The following TNFRSF13B variants were observed in gnomAD, a reference collection of about 807,000 sequenced individuals.
TNFRSF13B encodes tumor necrosis factor receptor superfamily member 13B.
A neutral mutation model predicts 24.0 loss-of-function variants in TNFRSF13B; 34 were observed. That is an observed-to-expected ratio of 1.41 (90% CI 1.08 to 1.88). TNFRSF13B has a LOEUF of 1.88. Ranked by LOEUF, TNFRSF13B falls within the 40% of genes most tolerant of loss-of-function variation. The probability of loss-of-function intolerance (pLI) is 0.00; values close to 1 mark genes in which losing one functional copy is unlikely to be tolerated. For synonymous variants in TNFRSF13B, 173 were observed against 150.3 expected, an observed-to-expected ratio of 1.15 and a Z score of -1.10; for missense variants, 415 against 380.8, an observed-to-expected ratio of 1.09 and a Z score of -0.75.
intron 1 of TNFRSF13B, among the ~76,000 whole-genome samples, chr17:16,971,295 G>A (rs11657263): frequency 0.13 from 19,010 of 151,942 alleles, 1,584 homozygotes; most frequent in East Asian, 0.45. Context: ...GTTGCAGAAA[G>A]CCGAGATCAT....
In TNFRSF13B at chr17:16,939,700, C is replaced by T. The variant is rs1453773067; in HGVS notation, c.729G>A (p.Glu243=). 1 of 1,607,574 alleles carries T rather than the reference C, an allele frequency of 6.2e-7. No homozygotes were observed. ...CGGGGGTCCCAGGCGTGACTGCGCT[C>T]TCCTGCGTGGGCGCCCTGCACTCAG... The part of the protein sequence containing the change: ...CFPECRAPTQ[E]SAVTPGTPDP... The change falls in exon 5 of 5, where the codon GAG becomes GAA. Residue 243 remains glutamate, a synonymous_variant. Coordinates refer to ENST00000261652, the MANE Select transcript of TNFRSF13B (RefSeq NM_012452.3).
intron 2 of TNFRSF13B, 50 bp from the exon 3 acceptor site, chr17:16,949,033 A>G (rs781042557): frequency 1.9e-6 from 3 of 1,612,976 alleles, no homozygotes; most frequent in Admixed American, 1.7e-5. Flanking sequence ...ACTAGCAGGA[A>G]CTCTGGGTTT....
Position 16,939,541 on chromosome 17 carries a change from C to T in TNFRSF13B, c.*6G>A, listed in dbSNP as rs1750577220. The T allele has an allele frequency of 1.2e-6, 2 of 1,612,778 alleles. No homozygotes were observed. Among genetic ancestry groups the T allele is most frequent in the Non-Finnish European group, 8.5e-7 (1 of 1,179,460 alleles). ...CTCCCTCCTCCTTTCCCTCCCTGACCCCCATTTATGCACCTGGGCCCCCCT... is the reference window on the plus strand; with the variant it reads ...CTCCCTCCTCCTTTCCCTCCCTGACTCCCATTTATGCACCTGGGCCCCCCT... On this transcript the variant is annotated 3_prime_UTR_variant, in exon 5 of 5. Coordinates refer to ENST00000261652, the MANE Select transcript of TNFRSF13B (RefSeq NM_012452.3).
At chr17:16,956,875 G>A (rs1442585572) in intron 1 of TNFRSF13B, among the ~76,000 whole-genome samples, 3 of 152,218 alleles carry the variant, frequency 2.0e-5, no homozygotes, top group Non-Finnish European at 2.9e-5. Context: ...GGATGAGTAG[G>A]TGGAGCACAG....
At chr17:16,968,141 CAA>C (rs1455676355) in intron 1 of TNFRSF13B, among the ~76,000 whole-genome samples, 7 of 31,736 alleles carry the variant, frequency 2.2e-4, no homozygotes, top group Non-Finnish European at 4.1e-4. Context: ...AACCCTGTCT[CAA>C]AAAAAAAAAA....
chr17:16,952,492 T>C lies in TNFRSF13B; in HGVS notation c.153A>G (p.Lys51=), dbSNP rs2087595808. The change falls in exon 2 of 5, where the codon AAA becomes AAG. Residue 51 remains lysine, a synonymous_variant. Coordinates refer to ENST00000261652, the MANE Select transcript of TNFRSF13B (RefSeq NM_012452.3). ...GCTGGCTCTGATGGTTGCAAATGGTTTTGCAGGACATGCAGGTACCCAGCA... is the reference window on the plus strand; with the variant it reads ...GCTGGCTCTGATGGTTGCAAATGGTCTTGCAGGACATGCAGGTACCCAGCA... ...DPLLGTCMSC[K]TICNHQSQRT... The C allele has an allele frequency of 6.2e-7, 1 of 1,614,026 alleles. No individual in the cohort carries two copies. The highest frequency in any genetic ancestry group is 1.3e-5 in the African/African-American group (1 of 74,912).
At chr17:16,952,405 G>A (rs1453574437) in intron 2 of TNFRSF13B, 41 bp downstream of exon 2, 1 of 1,613,094 alleles carries the variant, frequency 6.2e-7, no homozygotes, top group African/African-American at 1.3e-5. Flanking sequence ...AAAGGAGGAG[G>A]GTGATCACAC....
intron 1 of TNFRSF13B, among the ~76,000 whole-genome samples, chr17:16,954,256 G>A (rs79956513): frequency 1.4e-3 from 207 of 152,238 alleles, no homozygotes; most frequent in African/African-American, 4.4e-3. Flanking sequence ...AATTAGCCAC[G>A]TGCTGTAGTC....
At position 16,948,829 on chromosome 17, in the gene TNFRSF13B, G is replaced by C. The variant is rs749323840; in HGVS notation, c.354C>G (p.Leu118=). The C allele has an allele frequency of 3.7e-6, 6 of 1,614,060 alleles. No individual in the cohort carries two copies. The highest frequency in any genetic ancestry group is 5.1e-6 in the Non-Finnish European group (6 of 1,180,024). The change falls in exon 3 of 5, where the codon CTC becomes CTG. Residue 118 remains leucine (L), a synonymous_variant. Coordinates refer to ENST00000261652, the MANE Select transcript of TNFRSF13B (RefSeq NM_012452.3). Reference sequence around the variant, plus strand: ...CAACTTCTCCACTCCGCTGTCTCCTGAGCTCTGGTGGAAGGTTCACTGGGC... The same window carrying C: ...CAACTTCTCCACTCCGCTGTCTCCTCAGCTCTGGTGGAAGGTTCACTGGGC... ...LRSPVNLPPE[L]RRQRSGEVEN...
chr17:16,954,548 T>A (rs936392860), intron 1 of TNFRSF13B, among the ~76,000 whole-genome samples: 4 of 152,204 alleles, frequency 2.6e-5, no homozygotes, highest in African/African-American at 9.7e-5. Flanking sequence ...AAAGAACACA[T>A]GTCTCTAACA....
chr17:16,945,636 G>A (rs1422520739), intron 3 of TNFRSF13B, among the ~76,000 whole-genome samples: 2 of 152,218 alleles, frequency 1.3e-5, no homozygotes, highest in African/African-American at 2.4e-5. Context: ...AAGGTGCGCA[G>A]GTGGCCAGAC....
intron 1 of TNFRSF13B, among the ~76,000 whole-genome samples, chr17:16,962,571 C>CA (rs908298487): frequency 7.3e-5 from 11 of 151,626 alleles, no homozygotes; most frequent in African/African-American, 2.4e-4. Flanking sequence ...AGGACATGTA[C>CA]AGCAGCTCAG....
At chr17:16,944,537 A>G (rs909659698) in intron 3 of TNFRSF13B, among the ~76,000 whole-genome samples, 3 of 151,572 alleles carry the variant, frequency 2.0e-5, no homozygotes, top group Admixed American at 1.3e-4. Flanking sequence ...TGCCCTAAAG[A>G]CTCCTCCTCG....
Position 16,948,940 on chromosome 17 carries a change from A to G in TNFRSF13B, c.243T>C (p.His81=), listed in dbSNP as rs1227980908. Residue 81 remains histidine (H), a synonymous_variant, in exon 3 of 5, where the codon CAT becomes CAC. Transcript: ENST00000261652. ...CACAGCTGATGCAGTCCCTCAGGAG[A>G]TGGTCATAGAACTTGCCTTGCTCCT... The part of the protein sequence containing the change: ...CRKEQGKFYD[H]LLRDCISCAS... 3 of 1,614,196 alleles carry G rather than the reference A, an allele frequency of 1.9e-6. No individual in the cohort carries two copies. The highest frequency in any genetic ancestry group is 3.3e-5 in the Admixed American group (2 of 60,020).
intron 2 of TNFRSF13B, among the ~76,000 whole-genome samples, chr17:16,952,081 A>G (rs2087592921): frequency 6.6e-6 from 1 of 152,172 alleles, no homozygotes; most frequent in Non-Finnish European, 1.5e-5. Flanking sequence ...AAAAGAATGT[A>G]ACAACACACA....
In TNFRSF13B at chr17:16,939,133, C is replaced by CTT. The variant is rs2087485727; in HGVS notation, c.*413_*414insAA. ...TTTATTCTCCAGGAGGAGGGGCTCT[C>CTT]GGGGGCTGTGAGCAGCAGGCACGAG... On this transcript the variant is annotated 3_prime_UTR_variant, in exon 5 of 5. Transcript: ENST00000261652. The CTT allele has an allele frequency of 6.0e-6, 1 of 165,980 alleles. No individual in the cohort carries two copies. The highest frequency in any genetic ancestry group is 1.3e-5 in the Non-Finnish European group (1 of 77,582). The allele number at this position is 165,980 out of a possible 1,614,324, so 10.3% of individuals were successfully genotyped here. A position where few individuals can be genotyped will look rare whatever the true frequency, so the allele number is the denominator to read the frequency against.
chr17:16,940,552 C>A, intron 3 of TNFRSF13B, 41 bp from the exon 4 acceptor site: 1 of 1,598,794 alleles, frequency 6.3e-7, no homozygotes, highest in Non-Finnish European at 8.5e-7. Flanking sequence ...GTGCCTTCTT[C>A]TCTTCCCGTC....
Position 16,943,104 on chromosome 17 carries a change from C to T in TNFRSF13B, c.446-2593G>A, listed in dbSNP as rs144467655. Among the ~76,000 whole-genome samples, 370 of 152,316 alleles carry T rather than the reference C, an allele frequency of 2.4e-3. 3 individuals are homozygous for T. Among genetic ancestry groups the T allele is most frequent in the African/African-American group, 8.4e-3 (349 of 41,564 alleles). On this transcript the variant is annotated intron_variant, in intron 3 of 4. Transcript: ENST00000261652. Reference sequence around the variant, plus strand: ...GAGTCAAGCCTCCAATGGCTCTATCCCCAGCACCATCTGCATGACAGACCC... The same window carrying T: ...GAGTCAAGCCTCCAATGGCTCTATCTCCAGCACCATCTGCATGACAGACCC...
Position 16,940,950 on chromosome 17 carries a change from A to G in TNFRSF13B, c.446-439T>C, listed in dbSNP as rs545685442. Reference sequence around the variant, plus strand: ...GTATCCATGGGGGACTGGTTCCAGGATCCCCTACAGATACCAAAATCCGCG... The same window carrying G: ...GTATCCATGGGGGACTGGTTCCAGGGTCCCCTACAGATACCAAAATCCGCG... On this transcript the variant is annotated intron_variant, in intron 3 of 4. Coordinates refer to ENST00000261652, the MANE Select transcript of TNFRSF13B (RefSeq NM_012452.3). 2.8e-6 allele frequency: 3 copies of G among 1,073,308 alleles called. No homozygotes were observed. The South Asian group carries it at 9.4e-5, about 34-fold the overall frequency. 66.5% of individuals were successfully genotyped at this position (1,073,308 alleles called of 1,614,324 possible).
Sources: allele counts gnomAD v4.1 joint callset (sites outside exome capture counted in the v4.1 genomes callset), GRCh38; gene constraint gnomAD v4.1.1; transcripts MANE v1.5; gene names NCBI Gene and HGNC (gene_info 2026-07-23, HGNC 2026-07-21).